PPM1H: variants seen among roughly 807,000 people sequenced by gnomAD.
PPM1H encodes the protein protein phosphatase, Mg2+/Mn2+ dependent 1H.
A neutral mutation model predicts 54.9 loss-of-function variants in PPM1H; 27 were observed. That is an observed-to-expected ratio of 0.49 (90% CI 0.36 to 0.68). The LOEUF is 0.68. PPM1H is among the 30% of genes least tolerant of loss of function. The probability of loss-of-function intolerance (pLI) is 0.00; values close to 1 mark genes in which losing one functional copy is unlikely to be tolerated. For synonymous variants in PPM1H, 305 were observed against 270.8 expected, an observed-to-expected ratio of 1.13 and a Z score of -1.24; for missense variants, 596 against 667.8, an observed-to-expected ratio of 0.89 and a Z score of 1.19.
intron 3 of PPM1H, among the ~76,000 whole-genome samples, chr12:62,798,000 C>T (rs536926025): frequency 1.3e-5 from 2 of 152,240 alleles, no homozygotes; most frequent in East Asian, 3.9e-4. Context: ...CCATGAGAAC[C>T]AAAGAATGGT....
At chr12:62,759,749 C>G (rs2120606024) in intron 4 of PPM1H, among the ~76,000 whole-genome samples, 1 of 151,710 alleles carries the variant, frequency 6.6e-6, no homozygotes, top group Admixed American at 6.6e-5. Context: ...CAAGCACCTC[C>G]CACTCCTTTT....
At chr12:62,753,575 T>A (rs568387277) in intron 4 of PPM1H, among the ~76,000 whole-genome samples, 31 of 152,348 alleles carry the variant, frequency 2.0e-4, no homozygotes, top group South Asian at 4.1e-4. Context: ...CACTCTTGCA[T>A]CCTCACCCCC....
chr12:62,934,858 G>A lies in PPM1H; in HGVS notation c.-122C>T. On this transcript the variant is annotated 5_prime_UTR_variant, in exon 1 of 10. Coordinates refer to ENST00000228705, the MANE Select transcript of PPM1H (RefSeq NM_020700.2). This position sits in a 1 kb window ranked among gnomAD's most constrained non-coding sequence, Gnocchi z 4.2. ...GCACGGCGAGTCGGGCCACTGGGAC[G>A]CGCCGCGCGCGGCTCCCAGAGCCTA... 1 of 1,002,420 alleles carries A rather than the reference G, an allele frequency of 1.0e-6. No individual in the cohort carries two copies. The highest frequency in any genetic ancestry group is 4.6e-5 in the Admixed American group (1 of 21,726). The allele number at this position is 1,002,420 out of a possible 1,614,324, so 62.1% of individuals were successfully genotyped here. A position where few individuals can be genotyped will look rare whatever the true frequency, so the allele number is the denominator to read the frequency against.
chr12:62,784,141 A>C (rs561311357), intron 4 of PPM1H, among the ~76,000 whole-genome samples: 76 of 152,320 alleles, frequency 5.0e-4, no homozygotes, highest in African/African-American at 1.8e-3. Context: ...ACTGGCATGC[A>C]TCAAGCAGTT....
chr12:62,725,269 C>T (rs1472654995), intron 5 of PPM1H, among the ~76,000 whole-genome samples: 1 of 152,172 alleles, frequency 6.6e-6, no homozygotes, highest in Non-Finnish European at 1.5e-5. Context: ...TGTGTTGGGA[C>T]TCAGGACATT....
At chr12:62,871,821 T>G (rs1055736010) in intron 1 of PPM1H, among the ~76,000 whole-genome samples, 11 of 152,080 alleles carry the variant, frequency 7.2e-5, no homozygotes, top group African/African-American at 2.4e-4. Flanking sequence ...TGGCCAAAAT[T>G]GTATATCTTA....
intron 3 of PPM1H, among the ~76,000 whole-genome samples, chr12:62,800,013 G>A (rs1205046557): frequency 6.6e-6 from 1 of 152,096 alleles, no homozygotes; most frequent in African/African-American, 2.4e-5. Context: ...CCAGCAAGGT[G>A]CATTTTAAAC....
At chr12:62,911,334 T>C (rs1036698531) in intron 1 of PPM1H, among the ~76,000 whole-genome samples, 6 of 152,222 alleles carry the variant, frequency 3.9e-5, no homozygotes, top group Non-Finnish European at 5.9e-5. Context: ...TTCTCCTTAA[T>C]GTCCCAAAAG....
At chr12:62,812,490 A>C (rs1381028469) in intron 2 of PPM1H, among the ~76,000 whole-genome samples, 6 of 152,124 alleles carry the variant, frequency 3.9e-5, no homozygotes, top group Non-Finnish European at 8.8e-5. Context: ...TGACTCACAA[A>C]ACAATAACTT....
intron 2 of PPM1H, among the ~76,000 whole-genome samples, chr12:62,803,018 A>T (rs943463168): frequency 1.3e-5 from 2 of 152,154 alleles, no homozygotes; most frequent in African/African-American, 4.8e-5. Flanking sequence ...AGAGCCCTTA[A>T]ATGCTGGGAT....
At chr12:62,668,809 GT>G (rs908920029) in intron 8 of PPM1H, among the ~76,000 whole-genome samples, 8 of 152,346 alleles carry the variant, frequency 5.3e-5, no homozygotes, top group African/African-American at 1.9e-4. Flanking sequence ...GACTAAATCT[GT>G]TTAGGTCTTT....
intron 6 of PPM1H, among the ~76,000 whole-genome samples, chr12:62,696,005 T>A (rs2076113288): frequency 1.3e-5 from 2 of 151,836 alleles, no homozygotes; most frequent in Admixed American, 1.3e-4. Flanking sequence ...GTAGAAGAGT[T>A]GGGTCTATGA....
intron 1 of PPM1H, among the ~76,000 whole-genome samples, chr12:62,873,558 G>C (rs1204372195): frequency 2.0e-5 from 3 of 152,176 alleles, no homozygotes; most frequent in Non-Finnish European, 4.4e-5. Context: ...AACACAGGGA[G>C]GTGAAAGTTA....
At chr12:62,729,174 C>T (rs565678199) in intron 5 of PPM1H, among the ~76,000 whole-genome samples, 8 of 151,114 alleles carry the variant, frequency 5.3e-5, no homozygotes, top group South Asian at 4.1e-4. Context: ...GGGCGGCTTA[C>T]GGGCAGAAAT....
At chr12:62,663,111 C>T (rs143647860) in intron 9 of PPM1H, among the ~76,000 whole-genome samples, 154 of 152,142 alleles carry the variant, frequency 1.0e-3, no homozygotes, top group African/African-American at 3.6e-3. Flanking sequence ...TTTGTTTACC[C>T]GTCCCACCAC....
At chr12:62,891,457 T>C (rs1463251978) in intron 1 of PPM1H, among the ~76,000 whole-genome samples, 2 of 152,242 alleles carry the variant, frequency 1.3e-5, no homozygotes, top group African/African-American at 4.8e-5. Context: ...ACCATGTACC[T>C]ACATGAAAAT....
intron 6 of PPM1H, 29 bp from the exon 7 acceptor site, chr12:62,694,028 AG>A (rs745743832): frequency 1.9e-6 from 3 of 1,592,768 alleles, no homozygotes; most frequent in Admixed American, 1.7e-5. Context: ...ATTTTAAAAA[AG>A]GTTTGCACTC....
intron 9 of PPM1H, among the ~76,000 whole-genome samples, chr12:62,665,843 C>A (rs528704018): frequency 5.5e-4 from 83 of 151,896 alleles, no homozygotes; most frequent in African/African-American, 1.9e-3. Context: ...TGGGCTCAAG[C>A]AATCCCACCT....
chr12:62,794,643 T>C (rs910468303), intron 3 of PPM1H, among the ~76,000 whole-genome samples: 10 of 152,162 alleles, frequency 6.6e-5, no homozygotes, highest in Non-Finnish European at 1.3e-4. Flanking sequence ...CACTGCTAAC[T>C]TGGTTCTGAT....
Sources: gnomAD v4.1 joint callset for allele counts (sites outside exome capture counted in the v4.1 genomes callset) on GRCh38, gnomAD v4.1.1 for gene constraint, Gnocchi (gnomAD v3.1) non-coding constraint, MANE v1.5 for transcripts, NCBI Gene and HGNC (gene_info 2026-07-23, HGNC 2026-07-21) for gene names.